The following MEIKIN variants were observed in gnomAD, a reference collection of about 807,000 sequenced individuals.
The protein encoded by MEIKIN is meiotic kinetochore factor, also known as meiosis-specific kinetochore protein.
At chr5:131,808,248 A>C (rs768102278) in intron 12 of MEIKIN, among the ~76,000 whole-genome samples, 1 of 152,204 alleles carries the variant, frequency 6.6e-6, no homozygotes, top group African/African-American at 2.4e-5. Context: ...AATGGTTCAC[A>C]GTCATCCTCT....
chr5:131,872,456 T>C (rs1197413063), intron 9 of MEIKIN, among the ~76,000 whole-genome samples: 1 of 151,986 alleles, frequency 6.6e-6, no homozygotes, highest in Non-Finnish European at 1.5e-5. Context: ...GAAAAAATAA[T>C]AAAAAGAAAT....
intron 11 of MEIKIN, among the ~76,000 whole-genome samples, chr5:131,842,625 A>T (rs1749935308): frequency 6.7e-6 from 1 of 149,698 alleles, no homozygotes; most frequent in Non-Finnish European, 1.5e-5. Flanking sequence ...GTGTGTGTTC[A>T]TTCTTTTCTA....
At chr5:131,874,254 C>T (rs561724627) in intron 9 of MEIKIN, among the ~76,000 whole-genome samples, 34 of 152,016 alleles carry the variant, frequency 2.2e-4, no homozygotes, top group African/African-American at 7.7e-4. Flanking sequence ...GCTAGCAAGA[C>T]TAATAAAGAA....
intron 3 of MEIKIN, among the ~76,000 whole-genome samples, chr5:131,944,017 G>A (rs1751918833): frequency 6.6e-6 from 1 of 150,912 alleles, no homozygotes; most frequent in African/African-American, 2.4e-5. Flanking sequence ...TGGGGCAGGA[G>A]AATCGCTTGA....
At chr5:131,877,569 A>AG (rs1750637856) in intron 9 of MEIKIN, among the ~76,000 whole-genome samples, 1 of 152,082 alleles carries the variant, frequency 6.6e-6, no homozygotes, top group Non-Finnish European at 1.5e-5. Context: ...TTTGAGTCTG[A>AG]GGAGGTCAAG....
At chr5:131,926,344 A>T (rs889764330) in intron 5 of MEIKIN, among the ~76,000 whole-genome samples, 6 of 152,120 alleles carry the variant, frequency 3.9e-5, no homozygotes, top group African/African-American at 1.4e-4. Context: ...ACTTTAGTTG[A>T]TTTTTGTATT....
At chr5:131,912,412 C>G (rs1444122253) in intron 7 of MEIKIN, among the ~76,000 whole-genome samples, 2 of 151,640 alleles carry the variant, frequency 1.3e-5, no homozygotes, top group African/African-American at 4.8e-5. Context: ...TTATTTTGTA[C>G]TTCTACAAAC....
At chr5:131,868,784 T>G (rs538243809) in intron 9 of MEIKIN, among the ~76,000 whole-genome samples, 2 of 152,248 alleles carry the variant, frequency 1.3e-5, no homozygotes, top group South Asian at 4.1e-4. Context: ...TCTGCCTGCC[T>G]TGGCCTCCCA....
intron 8 of MEIKIN, among the ~76,000 whole-genome samples, chr5:131,891,355 T>G (rs1750913643): frequency 6.6e-6 from 1 of 152,160 alleles, no homozygotes; most frequent in Non-Finnish European, 1.5e-5. Context: ...GGAATCTAAG[T>G]CTCTTTGTAG....
intron 5 of MEIKIN, among the ~76,000 whole-genome samples, chr5:131,927,004 T>A (rs536035541): frequency 1.3e-5 from 2 of 152,324 alleles, no homozygotes; most frequent in South Asian, 4.1e-4. Flanking sequence ...TTCCATTTAT[T>A]TCTGCTCTAA....
intron 11 of MEIKIN, among the ~76,000 whole-genome samples, chr5:131,822,018 A>T (rs549144463): frequency 6.6e-6 from 1 of 152,220 alleles, no homozygotes; most frequent in Admixed American, 6.5e-5. Flanking sequence ...CTCTTACTGA[A>T]CTGACCCCTT....
intron 9 of MEIKIN, among the ~76,000 whole-genome samples, chr5:131,864,518 T>C (rs1316389690): frequency 6.6e-6 from 1 of 152,254 alleles, no homozygotes; most frequent in African/African-American, 2.4e-5. Context: ...GCTGGCAGAT[T>C]TGTTCTTTCA....
chr5:131,885,088 C>G (rs1015029238), intron 8 of MEIKIN, among the ~76,000 whole-genome samples: 1 of 152,146 alleles, frequency 6.6e-6, no homozygotes, highest in Non-Finnish European at 1.5e-5. Context: ...TGGACCTGCC[C>G]AGGGTCTGGG....
intron 8 of MEIKIN, among the ~76,000 whole-genome samples, chr5:131,886,543 T>C (rs912258374): frequency 6.6e-6 from 1 of 152,176 alleles, no homozygotes; most frequent in African/African-American, 2.4e-5. Flanking sequence ...TACTCTACAA[T>C]AGTATATCAG....
Position 131,818,806 on chromosome 5 carries a change from G to T in MEIKIN, c.1033C>A (p.Gln345Lys). The change falls in exon 12 of 13, where the codon CAA (glutamine) becomes AAA (lysine). Residue 345 changes from glutamine to lysine, a missense_variant. By Grantham distance (53) the Gln-to-Lys change is moderately conservative. Transcript: ENST00000442687. ...CIIRTSPGTR[Q>K]VKNKGVIVKK... is the part of the protein sequence containing the mutation. Reference sequence around the variant, plus strand: ...ACAATAACACCTTTATTTTTCACTTGTCTAGTTCCTGGTGATGTTCTAATA... The same window carrying T: ...ACAATAACACCTTTATTTTTCACTTTTCTAGTTCCTGGTGATGTTCTAATA... 1.0e-5 allele frequency: 4 copies of T among 397,930 alleles called. No individual in the cohort carries two copies. The highest frequency in any genetic ancestry group is 1.8e-5 in the Non-Finnish European group (4 of 225,768). The allele number at this position is 397,930 out of a possible 1,614,324, so 24.6% of individuals were successfully genotyped here. A position where few individuals can be genotyped will look rare whatever the true frequency, so the allele number is the denominator to read the frequency against.
At chr5:131,897,176 A>G (rs1580896636) in intron 8 of MEIKIN, among the ~76,000 whole-genome samples, 1 of 152,222 alleles carries the variant, frequency 6.6e-6, no homozygotes, top group African/African-American at 2.4e-5. Context: ...TTCTGGGTTG[A>G]AAATTCTTTT....
intron 11 of MEIKIN, among the ~76,000 whole-genome samples, chr5:131,822,216 C>T (rs1477662094): frequency 6.6e-6 from 1 of 151,682 alleles, no homozygotes; most frequent in African/African-American, 2.4e-5. Flanking sequence ...ATCATTGGGT[C>T]TTGTTTTCTT....
At chr5:131,901,776 T>C (rs1162182117) in intron 8 of MEIKIN, among the ~76,000 whole-genome samples, 1 of 152,006 alleles carries the variant, frequency 6.6e-6, no homozygotes, top group African/African-American at 2.4e-5. Flanking sequence ...ACCAGTTGAC[T>C]GAACCCACCT....
chr5:131,851,391 A>G lies in MEIKIN; in HGVS notation c.856-8T>C, dbSNP rs1197542775. The stretch of plus-strand genomic sequence containing the variant: ...CACTGAGGACAAATCAATCTATAAA[A>G]GAATACATTATTGTTTTGTGGAAGT... On this transcript the variant is annotated splice_polypyrimidine_tract_variant and splice_region_variant and intron_variant, in intron 10 of 12. Coordinates refer to ENST00000442687, the MANE Select transcript of MEIKIN (RefSeq NM_001303622.2). The G allele has an allele frequency of 2.5e-6, 1 of 397,834 alleles. No homozygotes were observed. The highest frequency in any genetic ancestry group is 1.3e-4 in the South Asian group (1 of 7,842). The allele number at this position is 397,834 out of a possible 1,614,324, so 24.6% of individuals were successfully genotyped here. A position where few individuals can be genotyped will look rare whatever the true frequency, so the allele number is the denominator to read the frequency against.
Sources: allele counts gnomAD v4.1 joint callset (sites outside exome capture counted in the v4.1 genomes callset), GRCh38; gene constraint gnomAD v4.1.1; transcripts MANE v1.5; gene names NCBI Gene and HGNC (gene_info 2026-07-23, HGNC 2026-07-21).